The following COL20A1 variants were observed in gnomAD, a reference collection of about 807,000 sequenced individuals.
COL20A1 encodes the protein collagen alpha-1(XX) chain.
COL20A1 carries 164 observed loss-of-function variants against 152.9 expected under a neutral mutation model. That is an observed-to-expected ratio of 1.07 (90% CI 0.94 to 1.22). The LOEUF is 1.22. Among genes scored for constraint, COL20A1 ranks in the 50% most tolerant of loss-of-function variants. COL20A1 has a pLI of 0.00. For missense variants in COL20A1, 1,873 were observed against 1,744.8 expected (o/e 1.07, Z -1.31); for synonymous variants, 864 against 756.0 (o/e 1.14, Z -2.34).
At chr20:63,328,674 A>G (rs1376334623) in intron 34 of COL20A1, among the ~76,000 whole-genome samples, 176 bp downstream of exon 34, 1 of 152,106 alleles carries the variant, frequency 6.6e-6, no homozygotes, top group Non-Finnish European at 1.5e-5. Flanking sequence ...AGCCCACACA[A>G]AGCCAGTCAT....
rs537704061 is a variant in COL20A1, at chr20:63,311,561, C to G, written c.1539+22C>G. ...AGAGGTGAGCTGGGCCGGGGGGTGGCGGGGGAGGCAGAGGAGTGGGGCAGA... is the reference window on the plus strand; with the variant it reads ...AGAGGTGAGCTGGGCCGGGGGGTGGGGGGGGAGGCAGAGGAGTGGGGCAGA... On this transcript the variant is annotated intron_variant, in intron 12 of 35. Coordinates refer to ENST00000358894, the MANE Select transcript of COL20A1 (RefSeq NM_020882.4). The surrounding 1 kb of genome is among the most constrained non-coding windows in gnomAD (Gnocchi z 4.4). The G allele has an allele frequency of 1.9e-5, 30 of 1,589,198 alleles. No individual in the cohort carries two copies. The Middle Eastern group carries it at 1.3e-3, about 70-fold the overall frequency.
At chr20:63,307,905 T>C in intron 6 of COL20A1, 66 bp from the exon 7 acceptor site, 1 of 1,581,146 alleles carries the variant, frequency 6.3e-7, no homozygotes, top group South Asian at 1.1e-5. Flanking sequence ...GGTGTGGCCT[T>C]GTGCCAAGCT....
chr20:63,310,421 A>G lies in COL20A1; in HGVS notation c.1304A>G (p.Asn435Ser), dbSNP rs372294549. 7.9e-5 allele frequency: 128 copies of G among 1,610,664 alleles called. No individual in the cohort carries two copies. Among genetic ancestry groups the G allele is most frequent in the Admixed American group, 1.0e-4 (6 of 59,838 alleles). ...EGPAASTELH[N>S]LASRTEYLVS... ...CCCGCCGCCTCCACGGAGCTGCACA[A>G]CCTGGCCTCCCGCACAGAGTACCTG... Residue 435 changes from asparagine (N) to serine (S), a missense_variant, in exon 11 of 36, where the codon AAC becomes AGC. Transcript: ENST00000358894.
At chr20:63,326,005 G>A in intron 29 of COL20A1, 91 bp from the exon 30 acceptor site, 2 of 1,154,306 alleles carry the variant, frequency 1.7e-6, no homozygotes, top group Non-Finnish European at 2.6e-6. Flanking sequence ...TGGGTTACAG[G>A]GTGTGTTGGG....
In COL20A1 at chr20:63,305,310, G is replaced by A; in HGVS notation, c.194-107G>A. ...CTTTCTGTCTCTCTGGCTTCAAGGG[G>A]AGCAGCTGGGGTGGGGAGGAGGAGC... On this transcript the variant is annotated intron_variant, in intron 3 of 35. Coordinates refer to ENST00000358894, the MANE Select transcript of COL20A1 (RefSeq NM_020882.4). The surrounding 1 kb of genome is among the most constrained non-coding windows in gnomAD (Gnocchi z 4.9). 1.1e-6 allele frequency: 1 copy of A among 882,182 alleles called. No homozygotes were observed. The highest frequency in any genetic ancestry group is 1.6e-6 in the Non-Finnish European group (1 of 629,746). The allele number at this position is 882,182 out of a possible 1,614,324, so 54.6% of individuals were successfully genotyped here.
chr20:63,332,347 T>G lies in COL20A1; in HGVS notation c.*1631T>G, dbSNP rs6090367. On this transcript the variant is annotated 3_prime_UTR_variant, in exon 36 of 36. Transcript: ENST00000358894. ...ACTTGGCTTCTGTTGGGGAGCTGAG[T>G]TGCTTCAGATTGTGTGACCAGCAAA... 0.047 allele frequency: 7,104 copies of G among 152,228 alleles called. 564 individuals are homozygous for G. Among genetic ancestry groups the G allele is most frequent in the African/African-American group, 0.16 (6,682 of 41,492 alleles). The allele number at this position is 152,228 out of a possible 1,614,324, so 9.4% of individuals were successfully genotyped here. A position where few individuals can be genotyped will look rare whatever the true frequency, so the allele number is the denominator to read the frequency against.
chr20:63,293,842 C>T, intron 1 of COL20A1, among the ~76,000 whole-genome samples: 2 of 114,376 alleles, frequency 1.7e-5, no homozygotes, highest in Non-Finnish European at 3.4e-5. Flanking sequence ...AGCAGATTCC[C>T]TGGTGGGGAT....
rs1176152795 is a variant in COL20A1, at chr20:63,306,332, C to T, written c.496+293C>T. Among the ~76,000 whole-genome samples, 1 of 146,870 alleles carries T rather than the reference C, an allele frequency of 6.8e-6. No homozygotes were observed. The highest frequency in any genetic ancestry group is 2.5e-5 in the African/African-American group (1 of 39,478). ...CCGGGAAGTTCTTCCTCGTGTCTGA[C>T]CACACGGTCTCTGACCACGAGGCCG... On this transcript the variant is annotated intron_variant, in intron 5 of 35. Transcript: ENST00000358894. The surrounding 1 kb of genome is among the most constrained non-coding windows in gnomAD (Gnocchi z 6.9).
Position 63,295,170 on chromosome 20 carries a change from G to T in COL20A1, c.63G>T (p.Leu21=). The T allele has an allele frequency of 6.4e-7, 1 of 1,554,734 alleles. No homozygotes were observed. Among genetic ancestry groups the T allele is most frequent in the African/African-American group, 1.4e-5 (1 of 73,392 alleles). ...LCLWLWLGAT[L]GREQVQASGL... The stretch of plus-strand genomic sequence containing the variant: ...TCTGGCTGTGGCTGGGCGCCACCCT[G>T]GGAAGAGAGCAAGTTCAAGGTAAGG... Residue 21 remains leucine (L), a synonymous_variant, in exon 2 of 36, where the codon CTG becomes CTT. Transcript: ENST00000358894.
chr20:63,294,954 C>G (rs1253638379), intron 1 of COL20A1, 144 bp from the exon 2 acceptor site: 1 of 597,998 alleles, frequency 1.7e-6, no homozygotes, highest in African/African-American at 1.9e-5. Context: ...TTGCAGGCCT[C>G]TGGTCCTCAC....
At position 63,313,859 on chromosome 20, in the gene COL20A1, G is replaced by A. The variant is rs770179286; in HGVS notation, c.2326G>A (p.Ala776Thr). 7.5e-6 allele frequency: 12 copies of A among 1,607,176 alleles called. No homozygotes were observed. Among genetic ancestry groups the A allele is most frequent in the South Asian group, 4.4e-5 (4 of 90,560 alleles). Residue 776 changes from alanine (A) to threonine (T), a missense_variant, in exon 18 of 36, where the codon GCC becomes ACC. Physicochemically the swap from Ala to Thr is moderately conservative, Grantham distance 58. Coordinates refer to ENST00000358894, the MANE Select transcript of COL20A1 (RefSeq NM_020882.4). The surrounding 1 kb of genome is among the most constrained non-coding windows in gnomAD (Gnocchi z 5.9). ...GRVLHYWLTY[A>T]PASGLGPEKS... ...CGTGCTCCATTACTGGCTCACCTAC[G>A]CCCCCGCCTCTGGCTTGGGACCCGA...
At chr20:63,322,365 G>T (rs775005741) in intron 27 of COL20A1, among the ~76,000 whole-genome samples, 4 of 152,178 alleles carry the variant, frequency 2.6e-5, no homozygotes, top group Non-Finnish European at 5.9e-5. Context: ...TTTTCACCCA[G>T]ATAGGGAGGA....
At chr20:63,296,171 A>G (rs939740703) in intron 2 of COL20A1, among the ~76,000 whole-genome samples, 4 of 152,262 alleles carry the variant, frequency 2.6e-5, no homozygotes, top group African/African-American at 9.6e-5. Context: ...TGCCCTGCAC[A>G]CAGGCAACAG....
rs1231444229 is a variant in COL20A1 at position 63,333,037 on chromosome 20, C to G, written c.*2321C>G. 6.6e-6 allele frequency: 1 copy of G among 152,232 alleles called. No homozygotes were observed. The highest frequency in any genetic ancestry group is 1.5e-5 in the Non-Finnish European group (1 of 68,058). The allele number at this position is 152,232 out of a possible 1,614,324, so 9.4% of individuals were successfully genotyped here. A position where few individuals can be genotyped will look rare whatever the true frequency, so the allele number is the denominator to read the frequency against. On this transcript the variant is annotated 3_prime_UTR_variant, in exon 36 of 36. Coordinates refer to ENST00000358894, the MANE Select transcript of COL20A1 (RefSeq NM_020882.4). ...CCCTCTGGGTCCTTTTAGGAGCCCC[C>G]AGGGACTGAGCCGGGGCTCACGCTC...
At chr20:63,312,992 G>A (rs1365017950) in intron 16 of COL20A1, 58 bp downstream of exon 16, 50 of 1,527,622 alleles carry the variant, frequency 3.3e-5, no homozygotes, top group Non-Finnish European at 4.1e-5. Flanking sequence ...TAGTCCTGAA[G>A]CCAAAGTCTA....
rs2067961620 is a variant in COL20A1, at chr20:63,308,587, C to T, written c.821C>T (p.Ala274Val). ...HVLGQNLQPAAGLRPEAAKVV... is the reference protein window; with the variant it reads ...HVLGQNLQPAVGLRPEAAKVV... ...CTGGGGCAGAACCTGCAGCCGGCGG[C>T]TGGCCTCCGTCCAGAGGCAGCCAAG... The change falls in exon 8 of 36, where the codon GCT becomes GTT. Residue 274 changes from alanine to valine, a missense_variant. Physicochemically the swap from Ala to Val is moderately conservative, Grantham distance 64 (BLOSUM62 0). Coordinates refer to ENST00000358894, the MANE Select transcript of COL20A1 (RefSeq NM_020882.4). 6 of 1,605,344 alleles carry T rather than the reference C, an allele frequency of 3.7e-6. No individual in the cohort carries two copies. The East Asian group carries it at 1.3e-4, about 36-fold the overall frequency.
chr20:63,309,852 C>T lies in COL20A1; in HGVS notation c.1200C>T (p.Ala400=). 1.2e-6 allele frequency: 2 copies of T among 1,611,756 alleles called. No homozygotes were observed. Among genetic ancestry groups the T allele is most frequent in the African/African-American group, 1.3e-5 (1 of 75,044 alleles). The change falls in exon 10 of 36, where the codon GCC becomes GCT. Residue 400 remains alanine (A), a synonymous_variant. Transcript: ENST00000358894. ...SSSIRLSWTP[A]PRHPLKYLIV... is the part of the protein sequence containing the mutation. The stretch of plus-strand genomic sequence containing the variant: ...GCATCCGCCTGTCCTGGACTCCAGC[C>T]CCCCGGCACCCCCTCAAGTATCTGA...
At chr20:63,320,904 G>T in intron 25 of COL20A1, 109 bp from the exon 26 acceptor site, 2 of 818,454 alleles carry the variant, frequency 2.4e-6, no homozygotes, top group Non-Finnish European at 3.9e-6. Flanking sequence ...CCAGGTGCGG[G>T]TCTGGAAGTC....
intron 34 of COL20A1, chr20:63,329,007 G>T (rs1648166388): frequency 1.2e-5 from 2 of 170,130 alleles, no homozygotes; most frequent in Admixed American, 5.7e-5. Context: ...GCTGATTCGG[G>T]GAGCTGGAGC....
Sources: gnomAD v4.1 joint callset for allele counts (sites outside exome capture counted in the v4.1 genomes callset) on GRCh38, gnomAD v4.1.1 for gene constraint, Gnocchi (gnomAD v3.1) non-coding constraint, MANE v1.5 for transcripts, NCBI Gene and HGNC (gene_info 2026-07-23, HGNC 2026-07-21) for gene names.